The following HPSE2 variants were observed in gnomAD, a reference collection of about 807,000 sequenced individuals.
HPSE2 encodes the protein inactive heparanase-2.
Under a neutral mutation model 60.5 loss-of-function variants are expected in HPSE2, and 38 were observed. The ratio of observed to expected loss-of-function variants is 0.63; its 90% CI spans 0.48 to 0.82. The LOEUF (loss-of-function observed/expected upper bound fraction) is 0.82. Among genes scored for constraint, HPSE2 ranks in the 40% least tolerant of loss-of-function variants. The pLI, the probability that HPSE2 is intolerant of heterozygous loss-of-function variation, is 0.00. For missense variants in HPSE2, 713 were observed against 740.4 expected (o/e 0.96, Z 0.43); for synonymous variants, 295 against 293.2 (o/e 1.01, Z -0.06).
At chr10:99,244,166 C>T in the HPSE2 span, among the ~76,000 whole-genome samples, 9 of 151,134 alleles carry the variant, frequency 6.0e-5, no homozygotes, top group Non-Finnish European at 1.3e-4. Flanking sequence ...TACAAGCGCC[C>T]GCCACCGTGC....
intron 9 of HPSE2, among the ~76,000 whole-genome samples, chr10:98,576,830 A>T (rs965607165): frequency 6.6e-6 from 1 of 151,602 alleles, no homozygotes; most frequent in Admixed American, 6.6e-5. Context: ...TGGATTTTCA[A>T]TTGCTAATTA....
chr10:99,105,544 A>G (rs1589665185), intron 3 of HPSE2, among the ~76,000 whole-genome samples: 1 of 150,646 alleles, frequency 6.6e-6, no homozygotes, highest in Admixed American at 6.6e-5. Flanking sequence ...TACCAGATAT[A>G]TAATATGCAA....
chr10:99,003,096 T>C (rs1022740442), intron 3 of HPSE2, among the ~76,000 whole-genome samples: 1 of 152,142 alleles, frequency 6.6e-6, no homozygotes, highest in African/African-American at 2.4e-5. Flanking sequence ...ACATATATAC[T>C]ATGCAGTATT....
intron 3 of HPSE2, among the ~76,000 whole-genome samples, chr10:98,753,711 C>A (rs1365633873): frequency 6.6e-6 from 1 of 152,146 alleles, no homozygotes; most frequent in Non-Finnish European, 1.5e-5. Context: ...GGTACCAGCC[C>A]CCCAGGGTTA....
At chr10:99,192,433 A>G (rs1032151416) in intron 2 of HPSE2, among the ~76,000 whole-genome samples, 1 of 152,146 alleles carries the variant, frequency 6.6e-6, no homozygotes, top group African/African-American at 2.4e-5. Flanking sequence ...TGGGCCAGGA[A>G]AGAGTAGCAT....
At chr10:99,004,353 C>T (rs536929509) in intron 3 of HPSE2, among the ~76,000 whole-genome samples, 3 of 151,714 alleles carry the variant, frequency 2.0e-5, no homozygotes, top group East Asian at 3.9e-4. Flanking sequence ...CTCTTGCTGT[C>T]TTCCTTTGCA....
intron 6 of HPSE2, among the ~76,000 whole-genome samples, chr10:98,690,629 G>A (rs2134162358): frequency 6.6e-6 from 1 of 151,992 alleles, no homozygotes; most frequent in East Asian, 1.9e-4. Context: ...TTCTTTCAAA[G>A]GTTGAATACT....
At chr10:99,087,655 G>C (rs572626949) in intron 3 of HPSE2, among the ~76,000 whole-genome samples, 1 of 152,272 alleles carries the variant, frequency 6.6e-6, no homozygotes, top group Admixed American at 6.5e-5. Context: ...AGCAAAGAAT[G>C]AGATTTCATG....
chr10:99,073,901 TC>T (rs1842877316), intron 3 of HPSE2, among the ~76,000 whole-genome samples: 1 of 151,514 alleles, frequency 6.6e-6, no homozygotes, highest in Non-Finnish European at 1.5e-5. Flanking sequence ...TGATTTTGAA[TC>T]CTAAAACTTT....
At chr10:98,985,623 T>C (rs894922909) in intron 3 of HPSE2, among the ~76,000 whole-genome samples, 24 of 152,272 alleles carry the variant, frequency 1.6e-4, no homozygotes, top group Admixed American at 9.1e-4. Context: ...AATGACAGGA[T>C]CATATTCACA....
rs1949385477 is a variant in HPSE2 at position 98,737,398 on chromosome 10, A to G, written c.784+6485T>C. On this transcript the variant is annotated intron_variant, in intron 4 of 11. Transcript: ENST00000370552. ...TGATTTCTGCATTTCCAACTGAGGT[A>G]CCCACTTCATCTCATTGGGACTGGT... 1.4e-5 allele frequency among the ~76,000 whole-genome samples: 2 copies of G among 138,764 alleles called. 1 individual carries two copies. The highest frequency in any genetic ancestry group is 1.6e-4 in the Admixed American group (2 of 12,412). The allele number at this position is 138,764 out of a possible 152,430, so 91.0% of individuals were successfully genotyped here. A position where few individuals can be genotyped will look rare whatever the true frequency, so the allele number is the denominator to read the frequency against.
At chr10:98,470,230 T>C (rs1297316593) in intron 11 of HPSE2, among the ~76,000 whole-genome samples, 1 of 152,190 alleles carries the variant, frequency 6.6e-6, no homozygotes, top group Non-Finnish European at 1.5e-5. Context: ...GACAAAGTAT[T>C]CCCCATGACA....
At chr10:99,305,964 C>A in the HPSE2 span, among the ~76,000 whole-genome samples, 23 of 64,372 alleles carry the variant, frequency 3.6e-4, no homozygotes, top group East Asian at 1.0e-3. Flanking sequence ...CACACACACG[C>A]GCGCGCGCGC....
At chr10:98,942,393 A>T (rs1033671817) in intron 3 of HPSE2, among the ~76,000 whole-genome samples, 7 of 148,400 alleles carry the variant, frequency 4.7e-5, no homozygotes, top group Non-Finnish European at 1.0e-4. Context: ...AGAAAAAAAC[A>T]AACAACCCCA....
chr10:98,749,147 G>A (rs944764444), intron 3 of HPSE2, among the ~76,000 whole-genome samples: 1 of 152,020 alleles, frequency 6.6e-6, no homozygotes, highest in East Asian at 1.9e-4. Context: ...ATGTAGATAA[G>A]GGTCAATGAA....
chr10:98,749,958 TTACACACAC>T (rs1949721260), intron 3 of HPSE2, among the ~76,000 whole-genome samples: 1 of 20,966 alleles, frequency 4.8e-5, no homozygotes, highest in African/African-American at 9.8e-5. Flanking sequence ...ACACACACAC[TTACACACAC>T]ATTTATATTG....
chr10:99,165,442 T>C (rs548796070), intron 2 of HPSE2, among the ~76,000 whole-genome samples: 1 of 152,326 alleles, frequency 6.6e-6, no homozygotes, highest in Non-Finnish European at 1.5e-5. Context: ...AATATCCTGG[T>C]TGTTTCTTAA....
At chr10:98,882,321 C>T (rs920842098) in intron 3 of HPSE2, among the ~76,000 whole-genome samples, 1 of 152,036 alleles carries the variant, frequency 6.6e-6, no homozygotes, top group African/African-American at 2.4e-5. Context: ...GTTTGCTATG[C>T]AGCACTATTG....
intron 2 of HPSE2, among the ~76,000 whole-genome samples, chr10:99,171,685 G>C (rs1282621583): frequency 1.3e-5 from 2 of 152,100 alleles, no homozygotes; most frequent in African/African-American, 4.8e-5. Flanking sequence ...GTTGGAATCT[G>C]GTATATGAAC....
Sources: gnomAD v4.1 joint callset for allele counts (sites outside exome capture counted in the v4.1 genomes callset) on GRCh38, gnomAD v4.1.1 for gene constraint, MANE v1.5 for transcripts, NCBI Gene and HGNC (gene_info 2026-07-23, HGNC 2026-07-21) for gene names.